The following MED15 variants were observed in gnomAD, a reference collection of about 807,000 sequenced individuals.
MED15 encodes mediator of RNA polymerase II transcription subunit 15.
A neutral mutation model predicts 118.7 loss-of-function variants in MED15; 41 were observed. The observed-to-expected ratio is 0.35, with a 90% CI of 0.27 to 0.45. The LOEUF is 0.45. MED15 is among the 20% of genes least tolerant of loss of function. The pLI is 1.00. For missense variants in MED15, 740 were observed against 1,025.5 expected, an observed-to-expected ratio of 0.72 and a Z score of 3.80; for synonymous variants, 436 against 413.9, an observed-to-expected ratio of 1.05 and a Z score of -0.65.
At chr22:20,526,879 C>G (rs943113959) in intron 1 of MED15, among the ~76,000 whole-genome samples, 2 of 152,178 alleles carry the variant, frequency 1.3e-5, no homozygotes, top group African/African-American at 4.8e-5. Context: ...CCCTTGTTTT[C>G]TATATCCTGT....
intron 2 of MED15, among the ~76,000 whole-genome samples, chr22:20,544,461 C>A (rs553109483): frequency 1.3e-5 from 2 of 152,088 alleles, no homozygotes; most frequent in African/African-American, 4.8e-5. Flanking sequence ...ATCAGGAGAT[C>A]GCAACCATCC....
intron 5 of MED15, among the ~76,000 whole-genome samples, chr22:20,556,114 T>A (rs2055993410): frequency 6.6e-6 from 1 of 152,192 alleles, no homozygotes; most frequent in Non-Finnish European, 1.5e-5. Context: ...TTTTTTCCCC[T>A]TTCATGTAAC....
intron 1 of MED15, among the ~76,000 whole-genome samples, chr22:20,514,576 G>C (rs1244559789): frequency 3.3e-5 from 5 of 152,164 alleles, no homozygotes; most frequent in Non-Finnish European, 7.4e-5. Context: ...GGGAAGGACA[G>C]TCCAGTATCT....
At chr22:20,523,660 T>G (rs896029627) in intron 1 of MED15, 1 of 985,214 alleles carries the variant, frequency 1.0e-6, no homozygotes, top group Non-Finnish European at 1.2e-6. Flanking sequence ...TGCCTGGTGG[T>G]GAATGGGACA....
intron 5 of MED15, among the ~76,000 whole-genome samples, chr22:20,563,456 A>G (rs2056318049): frequency 6.6e-6 from 1 of 152,236 alleles, no homozygotes. Flanking sequence ...ATTATGTATA[A>G]TTTTGAAATG....
chr22:20,572,571 A>G (rs1391946228), intron 8 of MED15, among the ~76,000 whole-genome samples: 2 of 152,208 alleles, frequency 1.3e-5, no homozygotes, highest in Non-Finnish European at 2.9e-5. Context: ...GAGAAGGGCA[A>G]TGTCACCCAC....
At chr22:20,585,513 T>C in intron 16 of MED15, 1 of 690,088 alleles carries the variant, frequency 1.4e-6, no homozygotes, top group Non-Finnish European at 2.4e-6. Flanking sequence ...GCCTGGGCCC[T>C]AGGGAGGTGG....
chr22:20,564,382 T>C lies in MED15; in HGVS notation c.452-68T>C. The C allele has an allele frequency of 2.5e-6, 4 of 1,586,066 alleles. No homozygotes were observed. The East Asian group carries it at 6.7e-5, about 27-fold the overall frequency. ...TTTTGCTGGCTGTTTTGTCCCTTGC[T>C]GTGCAGCCCTGCAGCGTTTCTGGGA... On this transcript the variant is annotated intron_variant, in intron 5 of 17. Transcript: ENST00000263205.
Position 20,554,926 on chromosome 22 carries a change from G to T in MED15, c.239-10G>T. 1 of 1,593,922 alleles carries T rather than the reference G, an allele frequency of 6.3e-7. No individual in the cohort carries two copies. ...CTTTCCTGAGAAGCTCTGCCCTTGT[G>T]TTCCCACAGATCCTATGAATGCACT... On this transcript the variant is annotated splice_polypyrimidine_tract_variant and intron_variant, in intron 4 of 17. Transcript: ENST00000263205.
chr22:20,584,450 A>G lies in MED15; in HGVS notation c.1803+25A>G, dbSNP rs556044089. On this transcript the variant is annotated intron_variant, in intron 14 of 17. Coordinates refer to ENST00000263205, the MANE Select transcript of MED15 (RefSeq NM_001003891.3). ...GGTGAGTGGGATGCCAGACACCCCT[A>G]GGGGAACCAGGGCTCTCCTAAGAGC... 6.2e-6 allele frequency: 10 copies of G among 1,610,558 alleles called. No homozygotes were observed. In the South Asian group the frequency reaches 8.8e-5, roughly 14 times the overall value.
rs56307139 is a variant in MED15 at position 20,545,473 on chromosome 22, C to CAAA, written c.157-5945_157-5943dup. Among the ~76,000 whole-genome samples the CAAA allele has an allele frequency of 2.1e-4, 19 of 90,110 alleles. 1 individual carries two copies. Among genetic ancestry groups the CAAA allele is most frequent in the African/African-American group, 6.4e-4 (15 of 23,364 alleles). 59.1% of individuals were successfully genotyped at this position (90,110 alleles called of 152,430 possible). On this transcript the variant is annotated intron_variant, in intron 2 of 17. Transcript: ENST00000263205. ...TGTGTGACAGAGCGAGACTCCACCT[C>CAAA]AAAAAAAAAAAAAAAAAAAAGAAAC... is the stretch of plus-strand genomic sequence containing the variant.
rs527772045 is a variant in MED15, at chr22:20,548,252, C to T, written c.157-3184C>T. On this transcript the variant is annotated intron_variant, in intron 2 of 17. Coordinates refer to ENST00000263205, the MANE Select transcript of MED15 (RefSeq NM_001003891.3). Reference sequence around the variant, plus strand: ...TCGCGGCTCACTGCAACCTCTGCCTCCTGGGTTCAAGCAATTCTCCTGCCT... The same window carrying T: ...TCGCGGCTCACTGCAACCTCTGCCTTCTGGGTTCAAGCAATTCTCCTGCCT... Among the ~76,000 whole-genome samples the T allele has an allele frequency of 8.5e-5, 13 of 152,212 alleles. No homozygotes were observed. In the South Asian group the frequency reaches 1.7e-3, roughly 19 times the overall value.
chr22:20,543,611 G>A (rs2055408207), intron 2 of MED15, among the ~76,000 whole-genome samples: 3 of 151,182 alleles, frequency 2.0e-5, no homozygotes, highest in African/African-American at 7.3e-5. Context: ...AGGCTGGAGT[G>A]CAGTAGCGCG....
rs1446665682 is a variant in MED15, at chr22:20,587,210, A to AG, written c.*509dup. 1.2e-5 allele frequency: 2 copies of AG among 161,072 alleles called. No homozygotes were observed. Among genetic ancestry groups the AG allele is most frequent in the African/African-American group, 4.8e-5 (2 of 41,814 alleles). 10.0% of individuals were successfully genotyped at this position (161,072 alleles called of 1,614,324 possible). ...ACCCCCCGAGGAAGCCTGCAAGTCC[A>AG]GGGCACAGGCTGCCTTTTGGAGGGA... On this transcript the variant is annotated 3_prime_UTR_variant, in exon 18 of 18. Transcript: ENST00000263205.
chr22:20,510,987 TTGTC>T, intron 1 of MED15, among the ~76,000 whole-genome samples: 1 of 152,220 alleles, frequency 6.6e-6, no homozygotes, highest in Admixed American at 6.5e-5. Flanking sequence ...GTTCTCAAAT[TTGTC>T]TGTTTTCTCT....
chr22:20,515,326 G>A (rs899989208), intron 1 of MED15, among the ~76,000 whole-genome samples: 1 of 152,154 alleles, frequency 6.6e-6, no homozygotes, highest in African/African-American at 2.4e-5. Flanking sequence ...CTAGAGGAGA[G>A]GCCACTGCTG....
intron 8 of MED15, among the ~76,000 whole-genome samples, chr22:20,572,601 C>T (rs186871689): frequency 1.3e-5 from 2 of 151,712 alleles, no homozygotes; most frequent in East Asian, 1.9e-4. Context: ...TAGCAGGACA[C>T]AGCAGACTTC....
rs546594863 is a variant in MED15, at chr22:20,523,973, A to G, written c.69-13144A>G. ...AGTGTTTGAAGTCTCCTGTATTGGT[A>G]TGATTCGAGATTTTCATTCTGCAGG... On this transcript the variant is annotated intron_variant, in intron 1 of 17. Transcript: ENST00000263205. 211 of 379,300 alleles carry G rather than the reference A, an allele frequency of 5.6e-4. 3 individuals are homozygous for G. In the South Asian group the frequency reaches 0.021, roughly 38 times the overall value. The allele number at this position is 379,300 out of a possible 1,614,324, so 23.5% of individuals were successfully genotyped here. A position where few individuals can be genotyped will look rare whatever the true frequency, so the allele number is the denominator to read the frequency against.
intron 14 of MED15, 62 bp downstream of exon 14, chr22:20,584,487 CT>C: frequency 6.4e-7 from 1 of 1,573,756 alleles, no homozygotes; most frequent in Non-Finnish European, 8.7e-7. Context: ...CCTGGGAGTG[CT>C]GCTGAGAGGG....
Sources: allele counts gnomAD v4.1 joint callset (sites outside exome capture counted in the v4.1 genomes callset), GRCh38; gene constraint gnomAD v4.1.1; transcripts MANE v1.5; gene names NCBI Gene and HGNC (gene_info 2026-07-23, HGNC 2026-07-21).